CHIC2: variants seen among roughly 807,000 people sequenced by gnomAD.
CHIC2 encodes the protein cysteine-rich hydrophobic domain-containing protein 2.
A neutral mutation model predicts 25.9 loss-of-function variants in CHIC2; 14 were observed. The observed-to-expected ratio is 0.54, with a 90% confidence interval of 0.36 to 0.85. The LOEUF (loss-of-function observed/expected upper bound fraction) is 0.85. CHIC2 is among the 40% of genes least tolerant of loss of function. CHIC2 has a pLI of 0.01. For missense variants in CHIC2, 146 were observed against 202.0 expected, an observed-to-expected ratio of 0.72 and a Z score of 1.68; for synonymous variants, 70 against 72.0, an observed-to-expected ratio of 0.97 and a Z score of 0.14.
chr4:54,040,305 G>A (rs1482891342), intron 3 of CHIC2, among the ~76,000 whole-genome samples: 11 of 152,134 alleles, frequency 7.2e-5, no homozygotes, highest in Admixed American at 5.9e-4. Flanking sequence ...AGTGGCTCAC[G>A]CCTGTAATCC....
intron 3 of CHIC2, among the ~76,000 whole-genome samples, chr4:54,019,938 A>C (rs756815145): frequency 1.4e-4 from 22 of 152,198 alleles, no homozygotes; most frequent in Admixed American, 5.9e-4. Flanking sequence ...AAATTAATAA[A>C]TATAGTTTCA....
At chr4:54,077,029 G>C in the CHIC2 span, among the ~76,000 whole-genome samples, 1 of 152,128 alleles carries the variant, frequency 6.6e-6, no homozygotes. Flanking sequence ...TGTCATCCTT[G>C]TTATCATCTG....
chr4:54,046,139 G>C (rs13133426), intron 3 of CHIC2, among the ~76,000 whole-genome samples: 1 of 150,312 alleles, frequency 6.7e-6, no homozygotes, highest in Admixed American at 6.6e-5. Flanking sequence ...CACTGCTCAA[G>C]GAAATAAAAA....
At chr4:54,044,366 C>T (rs1201173502) in intron 3 of CHIC2, among the ~76,000 whole-genome samples, 3 of 152,220 alleles carry the variant, frequency 2.0e-5, no homozygotes, top group African/African-American at 7.2e-5. Context: ...CGGCACCACA[C>T]CACACCTATT....
chr4:54,023,836 A>G (rs901680410), intron 3 of CHIC2, among the ~76,000 whole-genome samples: 2 of 152,234 alleles, frequency 1.3e-5, no homozygotes, highest in Non-Finnish European at 2.9e-5. Flanking sequence ...CATATCCTGC[A>G]CCACCGTGCT....
chr4:54,044,903 A>G (rs1488462279), intron 3 of CHIC2, among the ~76,000 whole-genome samples: 1 of 151,904 alleles, frequency 6.6e-6, no homozygotes. Flanking sequence ...GACCGCTAGC[A>G]AGACTAATAA....
Position 54,010,157 on chromosome 4 carries a change from G to A in CHIC2, c.448-12C>T, listed in dbSNP as rs779220467. The A allele has an allele frequency of 1.3e-6, 2 of 1,587,410 alleles. No individual in the cohort carries two copies. Among genetic ancestry groups the A allele is most frequent in the Non-Finnish European group, 1.7e-6 (2 of 1,162,448 alleles). On this transcript the variant is annotated splice_polypyrimidine_tract_variant and intron_variant, in intron 5 of 5. Transcript: ENST00000263921. ...TCTATGAGGATGACCTGTAAAAGGA[G>A]AAGAAAAAGGTTTTAAAAGATTTAA...
At chr4:54,039,790 T>C (rs1213412512) in intron 3 of CHIC2, among the ~76,000 whole-genome samples, 1 of 152,224 alleles carries the variant, frequency 6.6e-6, no homozygotes, top group Non-Finnish European at 1.5e-5. Context: ...GGAAAGTCAG[T>C]GTCTTCAACT....
At chr4:54,059,426 T>C (rs1717267040) in intron 1 of CHIC2, among the ~76,000 whole-genome samples, 1 of 152,014 alleles carries the variant, frequency 6.6e-6, no homozygotes, top group African/African-American at 2.4e-5. Flanking sequence ...CCTGTAGTTC[T>C]AGCTACTTCA....
At chr4:54,072,122 A>G in the CHIC2 span, among the ~76,000 whole-genome samples, 21 of 151,978 alleles carry the variant, frequency 1.4e-4, no homozygotes, top group Middle Eastern at 6.8e-3. Flanking sequence ...GTGAAACTCC[A>G]TCTCCACTAA....
intron 1 of CHIC2, among the ~76,000 whole-genome samples, chr4:54,062,386 T>C (rs1717362261): frequency 6.6e-6 from 1 of 152,072 alleles, no homozygotes; most frequent in African/African-American, 2.4e-5. Context: ...CCTAGGACCC[T>C]CACTTAGTAT....
intron 1 of CHIC2, among the ~76,000 whole-genome samples, chr4:54,052,519 A>G (rs1717032816): frequency 6.6e-6 from 1 of 152,198 alleles, no homozygotes; most frequent in Non-Finnish European, 1.5e-5. Flanking sequence ...CCATAAAATA[A>G]TAATTTGATG....
chr4:54,017,215 C>G (rs531402703), intron 3 of CHIC2, among the ~76,000 whole-genome samples: 1 of 152,282 alleles, frequency 6.6e-6, no homozygotes, highest in South Asian at 2.1e-4. Context: ...CAAATCTAAT[C>G]ATATAACAAC....
chr4:54,023,456 C>A (rs780774928), intron 3 of CHIC2, among the ~76,000 whole-genome samples: 6 of 152,148 alleles, frequency 3.9e-5, no homozygotes, highest in Non-Finnish European at 7.3e-5. Context: ...CTCTTTGGGT[C>A]TCCCACAATT....
chr4:54,021,918 T>C (rs1209365830), intron 3 of CHIC2, among the ~76,000 whole-genome samples: 4 of 152,068 alleles, frequency 2.6e-5, no homozygotes, highest in African/African-American at 9.7e-5. Context: ...TGTACAATAA[T>C]AGAGTAGAGG....
chr4:54,040,982 T>C (rs904682469), intron 3 of CHIC2, among the ~76,000 whole-genome samples: 3 of 151,116 alleles, frequency 2.0e-5, no homozygotes, highest in African/African-American at 7.3e-5. Context: ...GATTTTTTTT[T>C]TTTTTTGAGA....
In CHIC2 at chr4:54,064,551, C is replaced by T; in HGVS notation, c.-251G>A. On this transcript the variant is annotated 5_prime_UTR_variant, in exon 1 of 6. Coordinates refer to ENST00000263921, the MANE Select transcript of CHIC2 (RefSeq NM_012110.4). This position sits in a 1 kb window ranked among gnomAD's most constrained non-coding sequence, Gnocchi z 4.2. The stretch of plus-strand genomic sequence containing the variant: ...TCAACATCCGCCCAGAGGCCGACAC[C>T]TCCACAAGCACAGACGCCGCTGCCG... 7.5e-7 allele frequency: 1 copy of T among 1,341,454 alleles called. No homozygotes were observed. The highest frequency in any genetic ancestry group is 9.5e-7 in the Non-Finnish European group (1 of 1,050,028). 83.1% of individuals were successfully genotyped at this position (1,341,454 alleles called of 1,614,324 possible).
At chr4:54,046,719 C>T (rs1009225148) in intron 3 of CHIC2, among the ~76,000 whole-genome samples, 1 of 152,186 alleles carries the variant, frequency 6.6e-6, no homozygotes, top group African/African-American at 2.4e-5. Context: ...TAGGCATTAC[C>T]ATTCAGGACA....
At chr4:54,051,168 C>T (rs1164654878) in intron 1 of CHIC2, among the ~76,000 whole-genome samples, 2 of 151,970 alleles carry the variant, frequency 1.3e-5, no homozygotes, top group African/African-American at 4.8e-5. Flanking sequence ...TAATATATTG[C>T]TTCCCACCCC....
Sources: gnomAD v4.1 joint callset for allele counts (sites outside exome capture counted in the v4.1 genomes callset) on GRCh38, gnomAD v4.1.1 for gene constraint, Gnocchi (gnomAD v3.1) non-coding constraint, MANE v1.5 for transcripts, NCBI Gene and HGNC (gene_info 2026-07-23, HGNC 2026-07-21) for gene names.